EP400: variants seen among roughly 807,000 people sequenced by gnomAD.
The protein encoded by EP400 is E1A binding protein p400.
In EP400, 105 loss-of-function variants were observed where a neutral mutation model predicts 354.1. That is an observed-to-expected ratio of 0.30 (90% confidence interval 0.25 to 0.35). EP400 has a LOEUF of 0.35. Among genes scored for constraint, EP400 ranks in the 10% least tolerant of loss-of-function variants. The pLI is 1.00. For synonymous variants in EP400, 1,646 were observed against 1,716.9 expected, an observed-to-expected ratio of 0.96 and a Z score of 1.02; for missense variants, 3,280 against 4,121.0, an observed-to-expected ratio of 0.80 and a Z score of 5.59.
chr12:131,949,984 C>G lies in EP400; in HGVS notation c.-88C>G, dbSNP rs527989812. ...GATGCACTGAGCGGCTGCGGCGCGG[C>G]TTCCATCCTCCCGCCCTCCTGACGC... On this transcript the variant is annotated 5_prime_UTR_variant, in exon 1 of 53. Transcript: ENST00000389561. 6.6e-6 allele frequency: 1 copy of G among 151,872 alleles called. No individual in the cohort carries two copies. The highest frequency in any genetic ancestry group is 1.5e-5 in the Non-Finnish European group (1 of 67,918). The allele number at this position is 151,872 out of a possible 1,614,324, so 9.4% of individuals were successfully genotyped here.
intron 50 of EP400, 78 bp from the exon 51 acceptor site, chr12:132,069,417 G>T (rs1896003364): frequency 6.4e-7 from 1 of 1,563,462 alleles, no homozygotes; most frequent in African/African-American, 1.3e-5. Flanking sequence ...CTGCCATAGG[G>T]CCCAGAGCGG....
At chr12:131,951,540 CTTAT>C (rs1891495158) in intron 1 of EP400, among the ~76,000 whole-genome samples, 2 of 152,276 alleles carry the variant, frequency 1.3e-5, no homozygotes, top group African/African-American at 4.8e-5. Context: ...TTCTTTTTTA[CTTAT>C]TTGTGTTGTC....
rs550966517 is a variant in EP400 at position 132,019,981 on chromosome 12, A to G, written c.4278-68A>G. ...ATGGGCAGCGGTGAACCCCGGCTCCATGAGGTGGCCTGTCCTCTCTGTGGT... is the reference window on the plus strand; with the variant it reads ...ATGGGCAGCGGTGAACCCCGGCTCCGTGAGGTGGCCTGTCCTCTCTGTGGT... On this transcript the variant is annotated intron_variant, in intron 21 of 52. Transcript: ENST00000389561. 5.2e-4 allele frequency: 748 copies of G among 1,430,480 alleles called. 7 individuals are homozygous for G. In the African/African-American group the frequency reaches 0.01, roughly 19 times the overall value. The allele number at this position is 1,430,480 out of a possible 1,614,324, so 88.6% of individuals were successfully genotyped here. A position where few individuals can be genotyped will look rare whatever the true frequency, so the allele number is the denominator to read the frequency against.
intron 15 of EP400, 28 bp from the exon 16 acceptor site, chr12:132,011,470 G>T (rs369611102): frequency 4.3e-6 from 7 of 1,611,260 alleles, no homozygotes; most frequent in Non-Finnish European, 5.9e-6. Context: ...ATACTTTGAC[G>T]TGGAAAATTC....
chr12:132,020,935 C>T, intron 22 of EP400, 144 bp from the exon 23 acceptor site: 4 of 1,115,258 alleles, frequency 3.6e-6, no homozygotes, highest in Non-Finnish European at 3.7e-6. Context: ...ACTATATGGC[C>T]CCTCTTTTTT....
In EP400 at chr12:131,994,805, A is replaced by G; in HGVS notation, c.2738-62A>G. 1 of 1,416,516 alleles carries G rather than the reference A, an allele frequency of 7.1e-7. No individual in the cohort carries two copies. Among genetic ancestry groups the G allele is most frequent in the Non-Finnish European group, 9.9e-7 (1 of 1,007,096 alleles). 87.7% of individuals were successfully genotyped at this position (1,416,516 alleles called of 1,614,324 possible). A position where few individuals can be genotyped will look rare whatever the true frequency, so the allele number is the denominator to read the frequency against. The stretch of plus-strand genomic sequence containing the variant: ...ATAATTTCGAAGCCTTATAGTGTGT[A>G]ATGAGTAACAGACACTCAAGTGGTG... On this transcript the variant is annotated intron_variant, in intron 11 of 52. Coordinates refer to ENST00000389561, the MANE Select transcript of EP400 (RefSeq NM_015409.5). This position sits in a 1 kb window ranked among gnomAD's most constrained non-coding sequence, Gnocchi z 4.6.
intron 10 of EP400, 106 bp from the exon 11 acceptor site, chr12:131,992,067 G>T: frequency 8.2e-7 from 1 of 1,220,080 alleles, no homozygotes; most frequent in Non-Finnish European, 1.2e-6. Context: ...AGCCTAGCAG[G>T]CTTGCCCCGG....
intron 2 of EP400, among the ~76,000 whole-genome samples, chr12:131,963,959 T>C (rs2136469390): frequency 6.6e-6 from 1 of 152,304 alleles, no homozygotes; most frequent in South Asian, 2.1e-4. Flanking sequence ...TGTTGGTTCT[T>C]TCTTGTGTCC....
chr12:131,970,047 CA>C (rs1892235962), intron 2 of EP400, among the ~76,000 whole-genome samples: 1 of 152,098 alleles, frequency 6.6e-6, no homozygotes, highest in South Asian at 2.1e-4. Context: ...ACTCTGTCTC[CA>C]CCGCCTCCGC....
intron 51 of EP400, among the ~76,000 whole-genome samples, chr12:132,073,919 G>GGTTT (rs1896143100): frequency 2.4e-5 from 2 of 82,124 alleles, no homozygotes; most frequent in African/African-American, 5.7e-5. Context: ...GTTTTTTGGG[G>GGTTT]TTTTTTTTTT....
chr12:131,991,912 A>G (rs1252750655), intron 10 of EP400, among the ~76,000 whole-genome samples: 1 of 152,130 alleles, frequency 6.6e-6, no homozygotes, highest in Non-Finnish European at 1.5e-5. Flanking sequence ...TTATAGACTC[A>G]GTCTACTTTG....
At chr12:132,055,545 T>TA (rs1593378264) in intron 45 of EP400, among the ~76,000 whole-genome samples, 3 of 68,040 alleles carry the variant, frequency 4.4e-5, no homozygotes, top group African/African-American at 6.2e-5. Flanking sequence ...GGTGTAGGGG[T>TA]TGTGTGTGTG....
In EP400 at chr12:132,038,146, G is replaced by A; in HGVS notation, c.6207+50G>A. On this transcript the variant is annotated intron_variant, in intron 32 of 52. Coordinates refer to ENST00000389561, the MANE Select transcript of EP400 (RefSeq NM_015409.5). The surrounding 1 kb of genome is among the most constrained non-coding windows in gnomAD (Gnocchi z 4.2). Reference sequence around the variant, plus strand: ...AAGAGTTGCACGGTGGGAGCCGGCGGAACACCTGCACCCTCCCCCAGGGTT... The same window carrying A: ...AAGAGTTGCACGGTGGGAGCCGGCGAAACACCTGCACCCTCCCCCAGGGTT... 1 of 1,607,674 alleles carries A rather than the reference G, an allele frequency of 6.2e-7. No individual in the cohort carries two copies. Among genetic ancestry groups the A allele is most frequent in the Non-Finnish European group, 8.5e-7 (1 of 1,176,130 alleles).
chr12:132,045,993 C>A, intron 39 of EP400, 93 bp downstream of exon 39: 1 of 1,466,510 alleles, frequency 6.8e-7, no homozygotes, highest in Non-Finnish European at 9.3e-7. Context: ...TCTTCACTGA[C>A]TGGGCTCCTT....
intron 15 of EP400, among the ~76,000 whole-genome samples, chr12:132,007,864 A>G (rs1893634888): frequency 6.6e-6 from 1 of 152,152 alleles, no homozygotes; most frequent in African/African-American, 2.4e-5. Flanking sequence ...AAGAAATGGA[A>G]CACAGTGGGC....
chr12:131,978,250 C>T (rs890719574), intron 2 of EP400, among the ~76,000 whole-genome samples: 4 of 152,274 alleles, frequency 2.6e-5, no homozygotes, highest in East Asian at 3.9e-4. Flanking sequence ...ATTGCTCCCC[C>T]GCCCATGTGC....
At position 132,011,417 on chromosome 12, in the gene EP400, G is replaced by A; in HGVS notation, c.3305-81G>A. On this transcript the variant is annotated intron_variant, in intron 15 of 52. Coordinates refer to ENST00000389561, the MANE Select transcript of EP400 (RefSeq NM_015409.5). ...TGTGACACATACTCATACTGATGAA[G>A]CGTCTCTGGTCAGACACAGTGCTAG... 2.0e-6 allele frequency: 3 copies of A among 1,533,668 alleles called. No individual in the cohort carries two copies. The South Asian group carries it at 3.7e-5, about 19-fold the overall frequency.
At chr12:131,958,765 C>T (rs1891784861) in intron 1 of EP400, among the ~76,000 whole-genome samples, 2 of 152,312 alleles carry the variant, frequency 1.3e-5, no homozygotes, top group South Asian at 4.1e-4. Flanking sequence ...AAGTGATCCT[C>T]CTGTCTCAGC....
At chr12:131,986,150 T>A (rs1166755695) in intron 5 of EP400, among the ~76,000 whole-genome samples, 1 of 151,994 alleles carries the variant, frequency 6.6e-6, no homozygotes, top group East Asian at 1.9e-4. Flanking sequence ...AATTTTTAAA[T>A]TTTTTTGTAG....
Sources: gnomAD v4.1 joint callset for allele counts (sites outside exome capture counted in the v4.1 genomes callset) on GRCh38, gnomAD v4.1.1 for gene constraint, Gnocchi (gnomAD v3.1) non-coding constraint, MANE v1.5 for transcripts, NCBI Gene and HGNC (gene_info 2026-07-23, HGNC 2026-07-21) for gene names.